Variants in SYT13 observed in about 807,000 individuals in gnomAD.
SYT13 encodes synaptotagmin-13.
In SYT13, 21 loss-of-function variants were observed where a neutral mutation model predicts 38.6. The ratio of observed to expected loss-of-function variants is 0.54; its 90% CI spans 0.39 to 0.78. SYT13 has a LOEUF of 0.78. SYT13 is among the 30% of genes least tolerant of loss of function. The probability of loss-of-function intolerance (pLI) is 0.00; values close to 1 mark genes in which losing one functional copy is unlikely to be tolerated. For synonymous variants in SYT13, 241 were observed against 237.6 expected (o/e 1.01, Z -0.13); for missense variants, 495 against 548.7 (o/e 0.90, Z 0.98).
At chr11:45,267,756 C>T (rs898651139) in intron 1 of SYT13, among the ~76,000 whole-genome samples, 2 of 152,158 alleles carry the variant, frequency 1.3e-5, no homozygotes, top group African/African-American at 4.8e-5. Flanking sequence ...TTAGGCAAAT[C>T]CACAGTTATT....
At chr11:45,264,161 T>A (rs974975573) in intron 1 of SYT13, among the ~76,000 whole-genome samples, 3 of 152,184 alleles carry the variant, frequency 2.0e-5, no homozygotes, top group Admixed American at 6.5e-5. Context: ...CTGGATCCTC[T>A]CTCACAGATG....
chr11:45,253,225 C>G (rs553007072), intron 3 of SYT13, among the ~76,000 whole-genome samples: 1 of 152,316 alleles, frequency 6.6e-6, no homozygotes, highest in Admixed American at 6.5e-5. Flanking sequence ...GGGTACTTTT[C>G]TGACTGGCTC....
chr11:45,247,832 G>A (rs1485503639), intron 4 of SYT13, among the ~76,000 whole-genome samples: 1 of 152,214 alleles, frequency 6.6e-6, no homozygotes. Flanking sequence ...GGGGAAGACA[G>A]AAAGGAAGTG....
Position 45,252,797 on chromosome 11 carries a change from A to G in SYT13, c.545-75T>C. ...GAGGGGGCAGAAGCACGCCTTGCTTAGGGCTGTGGAATCCAGCTTAACGAC... is the reference window on the plus strand; with the variant it reads ...GAGGGGGCAGAAGCACGCCTTGCTTGGGGCTGTGGAATCCAGCTTAACGAC... On this transcript the variant is annotated intron_variant, in intron 3 of 5. Coordinates refer to ENST00000020926, the MANE Select transcript of SYT13 (RefSeq NM_020826.3). This position sits in a 1 kb window ranked among gnomAD's most constrained non-coding sequence, Gnocchi z 4.3. The G allele has an allele frequency of 6.8e-7, 1 of 1,464,934 alleles. No homozygotes were observed. The highest frequency in any genetic ancestry group is 2.3e-5 in the East Asian group (1 of 42,962). 90.7% of individuals were successfully genotyped at this position (1,464,934 alleles called of 1,614,324 possible).
intron 1 of SYT13, among the ~76,000 whole-genome samples, chr11:45,256,962 T>C (rs1237339390): frequency 2.0e-5 from 3 of 152,184 alleles, no homozygotes; most frequent in African/African-American, 7.2e-5. Flanking sequence ...CCTAGCATGG[T>C]GTCAGCTCAC....
intron 4 of SYT13, among the ~76,000 whole-genome samples, chr11:45,250,931 G>C (rs751271160): frequency 1.3e-4 from 20 of 152,114 alleles, no homozygotes; most frequent in Non-Finnish European, 2.9e-4. Context: ...CTCAAGGTCT[G>C]CCATTTCCTG....
chr11:45,259,027 C>G (rs16938199), intron 1 of SYT13, among the ~76,000 whole-genome samples: 2,326 of 152,268 alleles, frequency 0.015, 49 homozygotes, highest in African/African-American at 0.047. Context: ...GTTTTCACTT[C>G]AAATTTCTTG....
Position 45,242,329 on chromosome 11 carries a change from G to A in SYT13, c.*1723C>T, listed in dbSNP as rs900587983. ...CAGGCCTGTAATCCCAGTACTTTGGGAGGCCGAGGAGGGTAGATCACCTGA... is the reference window on the plus strand; with the variant it reads ...CAGGCCTGTAATCCCAGTACTTTGGAAGGCCGAGGAGGGTAGATCACCTGA... On this transcript the variant is annotated 3_prime_UTR_variant, in exon 6 of 6. Transcript: ENST00000020926. The A allele has an allele frequency of 6.6e-6, 1 of 152,164 alleles. No homozygotes were observed. The highest frequency in any genetic ancestry group is 1.5e-5 in the Non-Finnish European group (1 of 68,032). The allele number at this position is 152,164 out of a possible 1,614,324, so 9.4% of individuals were successfully genotyped here.
In SYT13 at chr11:45,286,238, C is replaced by T; in HGVS notation, c.-31G>A. 6.6e-7 allele frequency: 1 copy of T among 1,505,626 alleles called. No homozygotes were observed. The allele number at this position is 1,505,626 out of a possible 1,614,324, so 93.3% of individuals were successfully genotyped here. A position where few individuals can be genotyped will look rare whatever the true frequency, so the allele number is the denominator to read the frequency against. On this transcript the variant is annotated 5_prime_UTR_variant, in exon 1 of 6. Transcript: ENST00000020926. ...CCGCTCCCGGCGAGGGGCTGGGTCC[C>T]GCAGCCGCTCACCTTCCCCGGGCCG...
At chr11:45,284,754 C>T (rs1465242450) in intron 1 of SYT13, among the ~76,000 whole-genome samples, 2 of 152,202 alleles carry the variant, frequency 1.3e-5, no homozygotes, top group Non-Finnish European at 2.9e-5. Flanking sequence ...CCGACCACGA[C>T]TTGTGGAGAA....
chr11:45,286,050 G>T lies in SYT13; in HGVS notation c.158C>A (p.Pro53His). The change falls in exon 1 of 6, where the codon CCC becomes CAC. Residue 53 changes from proline to histidine, a missense_variant. Transcript: ENST00000020926. ...CTGTTGTGCAGACCCGAGCAAGCTG[G>T]GCTTCGCCTTCTCCAGGTCGGGGTC... ...DQDPDLEKAK[P>H]SLLGSAQQFN... is the part of the protein sequence containing the mutation. The T allele has an allele frequency of 6.2e-7, 1 of 1,609,316 alleles. No homozygotes were observed.
chr11:45,261,609 A>G lies in SYT13; in HGVS notation c.184-5718T>C, dbSNP rs548631865. Reference sequence around the variant, plus strand: ...GAGACTCCGTCTAAAAAAAAAAAGAAAAGAAAACAAAAGGAAAGAAAAATA... The same window carrying G: ...GAGACTCCGTCTAAAAAAAAAAAGAGAAGAAAACAAAAGGAAAGAAAAATA... On this transcript the variant is annotated intron_variant, in intron 1 of 5. Coordinates refer to ENST00000020926, the MANE Select transcript of SYT13 (RefSeq NM_020826.3). Among the ~76,000 whole-genome samples the G allele has an allele frequency of 2.0e-5, 3 of 151,462 alleles. No individual in the cohort carries two copies. The South Asian group carries it at 6.3e-4, about 32-fold the overall frequency.
intron 1 of SYT13, among the ~76,000 whole-genome samples, chr11:45,263,228 G>A (rs1449179572): frequency 6.6e-6 from 1 of 152,202 alleles, no homozygotes; most frequent in Non-Finnish European, 1.5e-5. Flanking sequence ...CCTATGCTAA[G>A]TGTTCAGAAT....
Position 45,244,051 on chromosome 11 carries a change from G to A in SYT13, c.*1C>T. 6.3e-7 allele frequency: 1 copy of A among 1,593,368 alleles called. No homozygotes were observed. ...AAGAAGGGAGGCAGCTGGGCAGCTG[G>A]TTACAGGTGCAGCTGGTGCCACATG... On this transcript the variant is annotated 3_prime_UTR_variant, in exon 6 of 6. Transcript: ENST00000020926.
chr11:45,276,530 A>G (rs781305917), intron 1 of SYT13, among the ~76,000 whole-genome samples: 6 of 152,146 alleles, frequency 3.9e-5, no homozygotes, highest in Non-Finnish European at 7.3e-5. Context: ...ATGTATATCT[A>G]TGTAACAAAC....
chr11:45,241,240 T>C lies in SYT13; in HGVS notation c.*2812A>G, dbSNP rs942656624. On this transcript the variant is annotated 3_prime_UTR_variant, in exon 6 of 6. Coordinates refer to ENST00000020926, the MANE Select transcript of SYT13 (RefSeq NM_020826.3). ...GCCATTTGCAGTGTCTTTTTCTGCC[T>C]ACTCTGCCAGCCACTCTTAATTCAT... The C allele has an allele frequency of 6.6e-6, 1 of 152,230 alleles. No homozygotes were observed. The highest frequency in any genetic ancestry group is 6.5e-5 in the Admixed American group (1 of 15,286). 9.4% of individuals were successfully genotyped at this position (152,230 alleles called of 1,614,324 possible).
intron 4 of SYT13, among the ~76,000 whole-genome samples, chr11:45,250,365 C>T (rs543250107): frequency 3.6e-4 from 55 of 152,302 alleles, no homozygotes; most frequent in African/African-American, 1.2e-3. Flanking sequence ...CTTGGCACAG[C>T]GCCTGGCACA....
chr11:45,281,015 T>C (rs1292347831), intron 1 of SYT13, among the ~76,000 whole-genome samples: 3 of 151,402 alleles, frequency 2.0e-5, no homozygotes, highest in Non-Finnish European at 4.4e-5. Context: ...GCCAACATGG[T>C]GAAACCCCAT....
chr11:45,255,599 T>A (rs1440035615), intron 2 of SYT13, 67 bp downstream of exon 2: 1 of 1,486,392 alleles, frequency 6.7e-7, no homozygotes, highest in Non-Finnish European at 9.2e-7. Flanking sequence ...ACACAGCATC[T>A]ACAGAGACAT....
Sources: gnomAD v4.1 joint callset for allele counts (sites outside exome capture counted in the v4.1 genomes callset) on GRCh38, gnomAD v4.1.1 for gene constraint, Gnocchi (gnomAD v3.1) non-coding constraint, MANE v1.5 for transcripts, NCBI Gene and HGNC (gene_info 2026-07-23, HGNC 2026-07-21) for gene names.